Variants in LRP1B observed in about 807,000 individuals in gnomAD.
LRP1B encodes low-density lipoprotein receptor-related protein 1B.
LRP1B carries 217 observed loss-of-function variants against 556.6 expected under a neutral mutation model. The ratio of observed to expected loss-of-function variants is 0.39; its 90% CI spans 0.35 to 0.44. LRP1B has a LOEUF of 0.44. Among genes scored for constraint, LRP1B ranks in the 20% least tolerant of loss-of-function variants. The pLI, the probability that LRP1B is intolerant of heterozygous loss-of-function variation, is 1.00. For missense variants in LRP1B, 5,053 were observed against 5,620.8 expected (o/e 0.90, Z 3.23); for synonymous variants, 2,047 against 1,865.8 (o/e 1.10, Z -2.50).
intron 66 of LRP1B, among the ~76,000 whole-genome samples, chr2:140,440,755 G>T (rs187065967): frequency 3.8e-4 from 58 of 152,244 alleles, no homozygotes; most frequent in Middle Eastern, 6.8e-3. Flanking sequence ...GTGTGTGTGT[G>T]TGTGTACACA....
intron 46 of LRP1B, among the ~76,000 whole-genome samples, chr2:140,534,596 G>A (rs1574051438): frequency 2.0e-5 from 3 of 152,198 alleles, no homozygotes; most frequent in Middle Eastern, 6.8e-3. Context: ...GTCTCATGGA[G>A]TCATCTAAAT....
intron 43 of LRP1B, among the ~76,000 whole-genome samples, chr2:140,548,136 C>T (rs1019693562): frequency 6.6e-6 from 1 of 151,984 alleles, no homozygotes; most frequent in African/African-American, 2.4e-5. Flanking sequence ...TTCTTAAGAT[C>T]ATTTAGGTAG....
At chr2:141,173,225 C>T (rs2105149374) in intron 7 of LRP1B, among the ~76,000 whole-genome samples, 1 of 152,074 alleles carries the variant, frequency 6.6e-6, no homozygotes, top group East Asian at 1.9e-4. Context: ...GATAAAAAAC[C>T]TCAAAATATC....
At chr2:141,472,351 G>C (rs1190987391) in intron 3 of LRP1B, among the ~76,000 whole-genome samples, 9 of 152,242 alleles carry the variant, frequency 5.9e-5, no homozygotes, top group Middle Eastern at 3.4e-3. Context: ...TTCGAGACCA[G>C]CCTGACAGTG....
intron 1 of LRP1B, among the ~76,000 whole-genome samples, chr2:141,931,288 G>A (rs987844725): frequency 2.6e-5 from 4 of 152,020 alleles, no homozygotes; most frequent in East Asian, 1.9e-4. Flanking sequence ...TAGGGTGTAT[G>A]AGCCTACAAT....
chr2:141,456,144 T>C (rs907008074), intron 3 of LRP1B, among the ~76,000 whole-genome samples: 2 of 152,248 alleles, frequency 1.3e-5, no homozygotes, highest in Non-Finnish European at 2.9e-5. Context: ...ACCAGTACTA[T>C]AGCGTTTTCC....
chr2:140,891,667 T>C (rs758832706), intron 23 of LRP1B, among the ~76,000 whole-genome samples: 18 of 152,132 alleles, frequency 1.2e-4, no homozygotes, highest in Non-Finnish European at 2.5e-4. Context: ...TCTCCAGCTA[T>C]AGGCATATTG....
chr2:140,853,026 G>C (rs1313299997), intron 27 of LRP1B, among the ~76,000 whole-genome samples: 1 of 151,906 alleles, frequency 6.6e-6, no homozygotes, highest in African/African-American at 2.4e-5. Flanking sequence ...ATGTCCCCTT[G>C]CTCAAAGTAG....
intron 1 of LRP1B, among the ~76,000 whole-genome samples, chr2:141,906,521 A>G (rs978547189): frequency 6.6e-6 from 1 of 152,032 alleles, no homozygotes; most frequent in Non-Finnish European, 1.5e-5. Flanking sequence ...TAATTGTTAC[A>G]ATACTGAATC....
intron 41 of LRP1B, among the ~76,000 whole-genome samples, chr2:140,681,444 AT>A (rs1685856196): frequency 6.6e-6 from 1 of 152,130 alleles, no homozygotes; most frequent in Non-Finnish European, 1.5e-5. Flanking sequence ...AATAAATCTC[AT>A]TTCTATGTAT....
At chr2:141,497,305 A>G (rs1319470409) in intron 2 of LRP1B, among the ~76,000 whole-genome samples, 2 of 151,918 alleles carry the variant, frequency 1.3e-5, no homozygotes, top group Non-Finnish European at 1.5e-5. Context: ...AGAGGCAACT[A>G]TTTTCTCTCC....
In LRP1B at chr2:140,938,262, G is replaced by A. The variant is rs1695289725; in HGVS notation, c.3136+11973C>T. On this transcript the variant is annotated intron_variant, in intron 20 of 90. Coordinates refer to ENST00000389484, the MANE Select transcript of LRP1B (RefSeq NM_018557.3). ...TGAAAGACAAATATGGTCTTTGTGT[G>A]AACTGAATAGTGTGAGAATGTCCAA... Among the ~76,000 whole-genome samples, 3 of 151,834 alleles carry A rather than the reference G, an allele frequency of 2.0e-5. No homozygotes were observed. The South Asian group carries it at 6.2e-4, about 31-fold the overall frequency.
At chr2:142,041,242 T>C (rs1432225625) in intron 1 of LRP1B, among the ~76,000 whole-genome samples, 2 of 151,368 alleles carry the variant, frequency 1.3e-5, no homozygotes, top group Non-Finnish European at 3.0e-5. Context: ...TGTAGAGACC[T>C]GTTAGTGACA....
chr2:141,389,188 A>T (rs1689955934), intron 3 of LRP1B, among the ~76,000 whole-genome samples: 1 of 152,184 alleles, frequency 6.6e-6, no homozygotes, highest in Admixed American at 6.5e-5. Context: ...CTAGAATAAG[A>T]ACAAATTGGA....
intron 1 of LRP1B, among the ~76,000 whole-genome samples, chr2:141,997,392 CAT>C (rs554147887): frequency 2.4e-3 from 321 of 134,186 alleles, no homozygotes; most frequent in African/African-American, 7.6e-3. Context: ...TGTGTGTGTA[CAT>C]ATATATATAT....
At chr2:141,017,839 A>G (rs1214033287) in intron 12 of LRP1B, among the ~76,000 whole-genome samples, 1 of 151,968 alleles carries the variant, frequency 6.6e-6, no homozygotes. Context: ...TACAAAAAAA[A>G]TACAAAAAGT....
At chr2:140,646,590 TATAA>T (rs1285686583) in intron 41 of LRP1B, among the ~76,000 whole-genome samples, 1 of 152,118 alleles carries the variant, frequency 6.6e-6, no homozygotes, top group Non-Finnish European at 1.5e-5. Context: ...TCAGTTCTTC[TATAA>T]ATAAAGTACA....
At chr2:142,127,428 T>G (rs1707694947) in intron 1 of LRP1B, among the ~76,000 whole-genome samples, 1 of 151,644 alleles carries the variant, frequency 6.6e-6, no homozygotes, top group African/African-American at 2.4e-5. Context: ...TAAATTTATC[T>G]TCAGCTTTCT....
At chr2:140,580,635 G>A (rs936643543) in intron 43 of LRP1B, among the ~76,000 whole-genome samples, 6 of 151,854 alleles carry the variant, frequency 4.0e-5, no homozygotes, top group African/African-American at 1.5e-4. Flanking sequence ...GAGAAAGAAT[G>A]AGGAAATGCG....
Sources: gnomAD v4.1 joint callset for allele counts (sites outside exome capture counted in the v4.1 genomes callset) on GRCh38, gnomAD v4.1.1 for gene constraint, MANE v1.5 for transcripts, NCBI Gene and HGNC (gene_info 2026-07-23, HGNC 2026-07-21) for gene names.